EXOC4: variants seen among roughly 807,000 people sequenced by gnomAD.
EXOC4 encodes the protein SEC8-like 1.
A neutral mutation model predicts 107.2 loss-of-function variants in EXOC4; 71 were observed. The observed-to-expected ratio is 0.66, with a 90% CI of 0.55 to 0.81. The LOEUF is 0.81. Among genes scored for constraint, EXOC4 ranks in the 30% least tolerant of loss-of-function variants. The pLI is 0.00. For missense variants in EXOC4, 1,108 were observed against 1,189.6 expected, an observed-to-expected ratio of 0.93 and a Z score of 1.01; for synonymous variants, 456 against 441.2, an observed-to-expected ratio of 1.03 and a Z score of -0.42.
intron 9 of EXOC4, among the ~76,000 whole-genome samples, chr7:133,586,454 TA>T (rs1209725776): frequency 2.0e-5 from 3 of 152,230 alleles, no homozygotes; most frequent in Non-Finnish European, 2.9e-5. Flanking sequence ...TTTTTATTTT[TA>T]ATGGCTGCAT....
the EXOC4 span, among the ~76,000 whole-genome samples, chr7:134,094,696 A>G: frequency 6.6e-6 from 1 of 152,050 alleles, no homozygotes. Context: ...AAATCAACAA[A>G]TGTGATTCAC....
At chr7:133,412,152 C>CTA (rs1462823660) in intron 7 of EXOC4, among the ~76,000 whole-genome samples, 1 of 151,814 alleles carries the variant, frequency 6.6e-6, no homozygotes, top group Non-Finnish European at 1.5e-5. Context: ...TTTTGATGGG[C>CTA]TATTACCTGA....
At chr7:133,950,398 A>G (rs1253023646) in intron 14 of EXOC4, among the ~76,000 whole-genome samples, 2 of 152,230 alleles carry the variant, frequency 1.3e-5, no homozygotes, top group Admixed American at 1.3e-4. Flanking sequence ...AGATTTTAAA[A>G]GATCTGTATA....
rs71172425 is a variant in EXOC4 at position 134,051,671 on chromosome 7, CAAA to C, written c.2688-12601_2688-12599del. Among the ~76,000 whole-genome samples the C allele has an allele frequency of 6.6e-3, 712 of 107,604 alleles. 4 individuals carry two copies. Among genetic ancestry groups the C allele is most frequent in the Middle Eastern group, 0.03 (4 of 132 alleles). 70.6% of individuals were successfully genotyped at this position (107,604 alleles called of 152,430 possible). On this transcript the variant is annotated intron_variant, in intron 17 of 17. Coordinates refer to ENST00000253861, the MANE Select transcript of EXOC4 (RefSeq NM_021807.4). ...TGGGAGACAGAGCGAGACTCCGTCT[CAAA>C]AAAAAAAAAAAAAAAAAACTTGGCT...
At chr7:133,677,855 T>C (rs1308700872) in intron 10 of EXOC4, among the ~76,000 whole-genome samples, 1 of 152,150 alleles carries the variant, frequency 6.6e-6, no homozygotes, top group Non-Finnish European at 1.5e-5. Flanking sequence ...AATTGGTTAT[T>C]ATTGGTAGAT....
At chr7:133,876,458 T>C (rs185694781) in intron 11 of EXOC4, among the ~76,000 whole-genome samples, 2 of 152,314 alleles carry the variant, frequency 1.3e-5, no homozygotes, top group African/African-American at 2.4e-5. Context: ...GGAACTCTTA[T>C]GTTTCTTAGC....
chr7:133,270,009 G>A (rs974879847), intron 1 of EXOC4, among the ~76,000 whole-genome samples: 2 of 152,096 alleles, frequency 1.3e-5, no homozygotes, highest in Admixed American at 1.3e-4. Flanking sequence ...CACAATTCCC[G>A]CGTGTCGTGG....
intron 10 of EXOC4, among the ~76,000 whole-genome samples, chr7:133,666,122 C>A (rs1793807319): frequency 6.6e-6 from 1 of 152,110 alleles, no homozygotes; most frequent in East Asian, 1.9e-4. Flanking sequence ...TCCCCTGTTA[C>A]AGTTCTTGCT....
At chr7:133,683,712 A>G (rs1210652458) in intron 10 of EXOC4, among the ~76,000 whole-genome samples, 1 of 152,056 alleles carries the variant, frequency 6.6e-6, no homozygotes, top group Non-Finnish European at 1.5e-5. Context: ...TCTTTTTTCC[A>G]ATTTCGGGGC....
intron 1 of EXOC4, among the ~76,000 whole-genome samples, chr7:133,263,482 A>G (rs1793633449): frequency 6.7e-6 from 1 of 150,148 alleles, no homozygotes; most frequent in Non-Finnish European, 1.5e-5. Context: ...CCCAAGCTCA[A>G]GCAATTCTTG....
intron 10 of EXOC4, among the ~76,000 whole-genome samples, chr7:133,721,856 T>A: frequency 6.6e-6 from 1 of 152,140 alleles, no homozygotes; most frequent in Non-Finnish European, 1.5e-5. Flanking sequence ...TGGCTACTAT[T>A]TTTGTGGGGA....
rs1795016894 is a variant in EXOC4 at position 133,256,260 on chromosome 7, C to T, written c.86+3073C>T. Among the ~76,000 whole-genome samples, 5 of 152,308 alleles carry T rather than the reference C, an allele frequency of 3.3e-5. No individual in the cohort carries two copies. In the South Asian group the frequency reaches 8.3e-4, roughly 25 times the overall value. On this transcript the variant is annotated intron_variant, in intron 1 of 17. Coordinates refer to ENST00000253861, the MANE Select transcript of EXOC4 (RefSeq NM_021807.4). ...CCTCCCAAAGTGCTGGGATTACAGG[C>T]GTGAGCCACCGCGCCTGGTCTGCAT...
chr7:133,456,063 A>T (rs1388258461), intron 7 of EXOC4, among the ~76,000 whole-genome samples: 1 of 152,210 alleles, frequency 6.6e-6, no homozygotes, highest in Non-Finnish European at 1.5e-5. Context: ...ATATACGTGT[A>T]TTCTGCTTTT....
At chr7:133,332,423 G>A (rs1402916451) in intron 5 of EXOC4, among the ~76,000 whole-genome samples, 1 of 152,118 alleles carries the variant, frequency 6.6e-6, no homozygotes, top group African/African-American at 2.4e-5. Flanking sequence ...GAGGTCAGGA[G>A]ATCGAGACCA....
intron 9 of EXOC4, among the ~76,000 whole-genome samples, chr7:133,610,672 T>G (rs1802056259): frequency 1.3e-5 from 2 of 152,150 alleles, no homozygotes; most frequent in African/African-American, 4.8e-5. Flanking sequence ...TGCTTTCCTC[T>G]GAGGATTCAA....
chr7:133,520,771 CCTT>C (rs1433734549), intron 9 of EXOC4, among the ~76,000 whole-genome samples: 2 of 152,128 alleles, frequency 1.3e-5, no homozygotes, highest in African/African-American at 4.8e-5. Flanking sequence ...CTCTTTACCT[CCTT>C]TTTTCTCTAT....
intron 10 of EXOC4, among the ~76,000 whole-genome samples, chr7:133,809,569 T>A (rs534943777): frequency 1.3e-5 from 2 of 152,302 alleles, no homozygotes; most frequent in South Asian, 4.1e-4. Flanking sequence ...GGAAATGATA[T>A]GTTGAGAGAT....
chr7:133,267,931 G>T (rs1793772486), intron 1 of EXOC4, among the ~76,000 whole-genome samples: 1 of 152,052 alleles, frequency 6.6e-6, no homozygotes, highest in Non-Finnish European at 1.5e-5. Flanking sequence ...ATAGAGAAAA[G>T]GTCTGATCTC....
intron 1 of EXOC4, among the ~76,000 whole-genome samples, chr7:133,258,249 T>A (rs1795063083): frequency 6.6e-6 from 1 of 152,194 alleles, no homozygotes. Context: ...TCAGAATTAG[T>A]GTCGTGGACC....
Sources: gnomAD v4.1 joint callset for allele counts (sites outside exome capture counted in the v4.1 genomes callset) on GRCh38, gnomAD v4.1.1 for gene constraint, MANE v1.5 for transcripts, NCBI Gene and HGNC (gene_info 2026-07-23, HGNC 2026-07-21) for gene names.